Variants in PIK3CA observed in about 807,000 individuals in gnomAD.
The protein encoded by PIK3CA is phosphatidylinositol-4,5-bisphosphate 3-kinase catalytic subunit alpha.
Under a neutral mutation model 138.2 loss-of-function variants are expected in PIK3CA, and 27 were observed. The observed-to-expected ratio is 0.20, with a 90% CI of 0.14 to 0.27. PIK3CA has a LOEUF of 0.27. PIK3CA is among the 10% of genes least tolerant of loss of function. The pLI, the probability that PIK3CA is intolerant of heterozygous loss-of-function variation, is 1.00. For synonymous variants in PIK3CA, 358 were observed against 413.2 expected, an observed-to-expected ratio of 0.87 and a Z score of 1.62; for missense variants, 544 against 1,277.4, an observed-to-expected ratio of 0.43 and a Z score of 8.75.
intron 1 of PIK3CA, among the ~76,000 whole-genome samples, chr3:179,191,097 TC>T (rs1230499197): frequency 6.6e-6 from 1 of 152,218 alleles, no homozygotes; most frequent in Non-Finnish European, 1.5e-5. Flanking sequence ...TGGAGGAACT[TC>T]CGTCTTGATA....
Position 179,231,174 on chromosome 3 carries a change from A to G in PIK3CA, c.2936+798A>G, listed in dbSNP as rs542853090. Among the ~76,000 whole-genome samples the G allele has an allele frequency of 6.6e-5, 10 of 152,264 alleles. No homozygotes were observed. The South Asian group carries it at 1.7e-3, about 25-fold the overall frequency. On this transcript the variant is annotated intron_variant, in intron 20 of 20. Transcript: ENST00000263967. Reference sequence around the variant, plus strand: ...GTGGTGGAGTAGTATTCTGTGGTGTATATGTACACTTTCTTTATCCACTCA... The same window carrying G: ...GTGGTGGAGTAGTATTCTGTGGTGTGTATGTACACTTTCTTTATCCACTCA...
chr3:179,169,421 C>T (rs563279385), intron 1 of PIK3CA, among the ~76,000 whole-genome samples: 67 of 152,204 alleles, frequency 4.4e-4, no homozygotes, highest in Admixed American at 5.9e-4. Flanking sequence ...TCTTCCTATC[C>T]GAGAATGTGG....
At chr3:179,165,929 T>C (rs1723407143) in intron 1 of PIK3CA, among the ~76,000 whole-genome samples, 1 of 152,212 alleles carries the variant, frequency 6.6e-6, no homozygotes, top group African/African-American at 2.4e-5. Context: ...CTCACTCTCC[T>C]AGACAAAGTC....
At chr3:179,208,241 T>C (rs2108397936) in intron 6 of PIK3CA, among the ~76,000 whole-genome samples, 1 of 152,318 alleles carries the variant, frequency 6.6e-6, no homozygotes. Flanking sequence ...GTTTATTACT[T>C]AGTTGGCTAA....
chr3:179,195,879 G>T (rs551518883), intron 1 of PIK3CA, among the ~76,000 whole-genome samples: 1 of 152,126 alleles, frequency 6.6e-6, no homozygotes, highest in African/African-American at 2.4e-5. Flanking sequence ...AACCCTGGGG[G>T]TAATGGTTTG....
At chr3:179,161,318 A>G (rs1170295939) in intron 1 of PIK3CA, among the ~76,000 whole-genome samples, 1 of 152,242 alleles carries the variant, frequency 6.6e-6, no homozygotes, top group Non-Finnish European at 1.5e-5. Context: ...TAGTGTTTTT[A>G]TAAAGTAAAT....
At position 179,198,831 on chromosome 3, in the gene PIK3CA, T is replaced by C; in HGVS notation, c.6T>C (p.Pro2=). 2.6e-6 allele frequency: 4 copies of C among 1,533,294 alleles called. No homozygotes were observed. The highest frequency in any genetic ancestry group is 2.6e-6 in the Non-Finnish European group (3 of 1,141,088). 95.0% of individuals were successfully genotyped at this position (1,533,294 alleles called of 1,614,324 possible). A position where few individuals can be genotyped will look rare whatever the true frequency, so the allele number is the denominator to read the frequency against. Residue 2 remains proline (P), a synonymous_variant, in exon 2 of 21, where the codon CCT becomes CCC. Coordinates refer to ENST00000263967, the MANE Select transcript of PIK3CA (RefSeq NM_006218.4). ...ACTTGCAAAGAATCAGAACAATGCC[T>C]CCACGACCATCATCAGGTGAACTGT... M[P]PRPSSGELWG...
chr3:179,190,973 T>C (rs1479452318), intron 1 of PIK3CA, among the ~76,000 whole-genome samples: 2 of 152,208 alleles, frequency 1.3e-5, no homozygotes, highest in African/African-American at 4.8e-5. Flanking sequence ...CTCAGAAGAA[T>C]AGGTGAAAAG....
At chr3:179,215,797 AC>A (rs773973244) in intron 9 of PIK3CA, among the ~76,000 whole-genome samples, 15 of 152,168 alleles carry the variant, frequency 9.9e-5, no homozygotes, top group Non-Finnish European at 1.9e-4. Flanking sequence ...ATGAAAACTG[AC>A]CAAGGAAGAT....
intron 1 of PIK3CA, among the ~76,000 whole-genome samples, chr3:179,185,882 C>T (rs1423343950): frequency 6.6e-6 from 1 of 152,166 alleles, no homozygotes; most frequent in African/African-American, 2.4e-5. Context: ...TCCAGAAGGT[C>T]CTCGAACTCA....
At chr3:179,170,294 C>T (rs1395358909) in intron 1 of PIK3CA, among the ~76,000 whole-genome samples, 1 of 152,216 alleles carries the variant, frequency 6.6e-6, no homozygotes, top group Non-Finnish European at 1.5e-5. Flanking sequence ...AAGGAGAAGA[C>T]ATATTCGCAA....
chr3:179,217,135 G>A (rs1448201210), intron 9 of PIK3CA, among the ~76,000 whole-genome samples: 5 of 152,162 alleles, frequency 3.3e-5, no homozygotes, highest in South Asian at 2.1e-4. Context: ...AGTTATTTCC[G>A]GGGTGGGAGG....
At chr3:179,221,687 C>T (rs1275513220) in intron 14 of PIK3CA, among the ~76,000 whole-genome samples, 1 of 127,480 alleles carries the variant, frequency 7.8e-6, no homozygotes, top group Admixed American at 8.3e-5. Context: ...GTAGGAAATA[C>T]AATGTAAACT....
intron 1 of PIK3CA, among the ~76,000 whole-genome samples, chr3:179,176,125 G>T (rs886243099): frequency 2.0e-5 from 3 of 151,802 alleles, no homozygotes; most frequent in African/African-American, 7.3e-5. Context: ...AGGGACTTTG[G>T]GTCTCTTTAG....
intron 1 of PIK3CA, among the ~76,000 whole-genome samples, chr3:179,172,424 T>G (rs985647891): frequency 2.0e-5 from 3 of 149,402 alleles, no homozygotes; most frequent in African/African-American, 7.4e-5. Flanking sequence ...ATATTTGGAA[T>G]GGAAAGGAAG....
Position 179,184,839 on chromosome 3 carries a change from G to T in PIK3CA, c.-76-13911G>T, listed in dbSNP as rs183716484. 1.4e-3 allele frequency among the ~76,000 whole-genome samples: 219 copies of T among 152,272 alleles called. 1 individual carries two copies. The highest frequency in any genetic ancestry group is 2.3e-3 in the Non-Finnish European group (159 of 68,008). On this transcript the variant is annotated intron_variant, in intron 1 of 20. Transcript: ENST00000263967. The stretch of plus-strand genomic sequence containing the variant: ...ATGATGGCAGCACTTTAAAAGTTTG[G>T]TATGAAAGACTCATCTCTTCTTCAT...
intron 6 of PIK3CA, among the ~76,000 whole-genome samples, chr3:179,207,043 G>A (rs1724580588): frequency 6.6e-6 from 1 of 152,068 alleles, no homozygotes; most frequent in Non-Finnish European, 1.5e-5. Flanking sequence ...AGTCTAAAAG[G>A]TGAAGTATTT....
rs187736714 is a variant in PIK3CA, at chr3:179,228,202, G to A, written c.2496-1070G>A. Among the ~76,000 whole-genome samples, 297 of 151,898 alleles carry A rather than the reference G, an allele frequency of 2.0e-3. 1 individual carries two copies. The highest frequency in any genetic ancestry group is 7.0e-3 in the African/African-American group (292 of 41,430). On this transcript the variant is annotated intron_variant, in intron 17 of 20. Transcript: ENST00000263967. ...AAAATTCTAATTTTCATTATCTGCC[G>A]CTGAACCTAATAGAGTCCCTAAACT...
At chr3:179,154,944 T>C (rs1723097161) in intron 1 of PIK3CA, among the ~76,000 whole-genome samples, 2 of 152,306 alleles carry the variant, frequency 1.3e-5, no homozygotes, top group African/African-American at 2.4e-5. Context: ...CCATTTGAAA[T>C]AAATTAGGGA....
Sources: allele counts gnomAD v4.1 joint callset (sites outside exome capture counted in the v4.1 genomes callset), GRCh38; gene constraint gnomAD v4.1.1; transcripts MANE v1.5; gene names NCBI Gene and HGNC (gene_info 2026-07-23, HGNC 2026-07-21).